Variants in DHX57 observed in about 807,000 individuals in gnomAD.
The protein encoded by DHX57 is DExH-box helicase 57.
Under a neutral mutation model 156.2 loss-of-function variants are expected in DHX57, and 105 were observed. The observed-to-expected ratio is 0.67, with a 90% CI of 0.57 to 0.79. The LOEUF (loss-of-function observed/expected upper bound fraction) is 0.79, where lower values mean the gene tolerates loss of function less well. Among genes scored for constraint, DHX57 ranks in the 30% least tolerant of loss-of-function variants. The pLI is 0.00. For missense variants in DHX57, 1,847 were observed against 1,661.9 expected (o/e 1.11, Z -1.94); for synonymous variants, 704 against 595.6 (o/e 1.18, Z -2.65).
chr2:38,828,466 G>A, intron 13 of DHX57, 30 bp from the exon 14 acceptor site: 2 of 1,506,098 alleles, frequency 1.3e-6, no homozygotes, highest in South Asian at 1.2e-5. Context: ...CAATATGTGG[G>A]TAAGCATAGG....
intron 16 of DHX57, 25 bp downstream of exon 16, chr2:38,825,822 C>T (rs781658943): frequency 6.2e-7 from 1 of 1,612,576 alleles, no homozygotes; most frequent in South Asian, 1.1e-5. Flanking sequence ...CTTTTGGAAG[C>T]AAAACACAAA....
Position 38,828,454 on chromosome 2 carries a change from A to C in DHX57, c.2543-18T>G. The C allele has an allele frequency of 4.4e-6, 7 of 1,574,772 alleles. No homozygotes were observed. Among genetic ancestry groups the C allele is most frequent in the Non-Finnish European group, 6.1e-6 (7 of 1,153,634 alleles). On this transcript the variant is annotated intron_variant, in intron 13 of 23. Transcript: ENST00000457308. Reference sequence around the variant, plus strand: ...TATAGCACCTGGGTATATAAAAAGAATCAATATGTGGGTAAGCATAGGCAC... The same window carrying C: ...TATAGCACCTGGGTATATAAAAAGACTCAATATGTGGGTAAGCATAGGCAC...
At chr2:38,874,696 A>G (rs1324111135) in intron 1 of DHX57, among the ~76,000 whole-genome samples, 2 of 152,174 alleles carry the variant, frequency 1.3e-5, no homozygotes, top group African/African-American at 2.4e-5. Context: ...GGCGTGAGCC[A>G]CCGCGCCCGA....
intron 9 of DHX57, chr2:38,853,851 T>C (rs1672740681): frequency 2.5e-6 from 1 of 403,776 alleles, no homozygotes. Flanking sequence ...CTCCATCTAA[T>C]AAGTGATGAG....
chr2:38,826,202 G>C (rs1159478879), intron 15 of DHX57, among the ~76,000 whole-genome samples, 155 bp from the exon 16 acceptor site: 2 of 152,232 alleles, frequency 1.3e-5, no homozygotes, highest in Admixed American at 6.5e-5. Context: ...GGAGCAGCTA[G>C]TGCTGATTTA....
At chr2:38,805,357 T>C (rs1247335215) in intron 22 of DHX57, among the ~76,000 whole-genome samples, 2 of 152,078 alleles carry the variant, frequency 1.3e-5, no homozygotes, top group African/African-American at 4.8e-5. Context: ...GGAAGGGCCA[T>C]GTAAGGAGTC....
rs760389113 is a variant in DHX57, at chr2:38,855,207, A to T, written c.1755T>A (p.Ser585=). 3.7e-6 allele frequency: 6 copies of T among 1,614,110 alleles called. No homozygotes were observed. The highest frequency in any genetic ancestry group is 5.1e-6 in the Non-Finnish European group (6 of 1,180,040). The stretch of plus-strand genomic sequence containing the variant: ...CTACCTTCTCAGGTGGTCCATTCAG[A>T]GAATCATCCAGAATAAACTGCGGAA... ...TQIPQFILDD[S]LNGPPEKVAN... is the part of the protein sequence containing the mutation. The change falls in exon 8 of 24, where the codon TCT becomes TCA. Residue 585 remains serine (S), a synonymous_variant. Coordinates refer to ENST00000457308, the MANE Select transcript of DHX57 (RefSeq NM_198963.3).
In DHX57 at chr2:38,802,717, G is replaced by C. The variant is rs772315993; in HGVS notation, c.4015C>G (p.Gln1339Glu). The C allele has an allele frequency of 3.0e-5, 48 of 1,613,842 alleles. No individual in the cohort carries two copies. Among genetic ancestry groups the C allele is most frequent in the African/African-American group, 5.3e-5 (4 of 74,888 alleles). The stretch of plus-strand genomic sequence containing the variant: ...AAACAGACCAATTCTGCCTTTACCT[G>C]ATGGGAAGCAGCTACAAAACGGATC... Reference protein sequence around the residue: ...GWIRFVAASHQVAELVKELRC... With the variant: ...GWIRFVAASHEVAELVKELRC... The change falls in exon 23 of 24, where the codon CAG becomes GAG. Residue 1339 changes from glutamine (Q) to glutamate (E), a missense_variant and splice_region_variant. Physicochemically the swap from Gln to Glu is conservative, Grantham distance 29. Transcript: ENST00000457308.
intron 13 of DHX57, among the ~76,000 whole-genome samples, chr2:38,835,599 T>C (rs1414248956): frequency 6.6e-6 from 1 of 152,142 alleles, no homozygotes; most frequent in African/African-American, 2.4e-5. Context: ...TTAGCCTCTA[T>C]ATGCGGAGTT....
intron 23 of DHX57, among the ~76,000 whole-genome samples, chr2:38,799,457 A>AG (rs34437659): frequency 6.8e-6 from 1 of 147,506 alleles, no homozygotes; most frequent in African/African-American, 2.5e-5. Context: ...AAAAAAAAAA[A>AG]GGGTGGTAGA....
At chr2:38,865,880 C>G (rs1665042632) in intron 2 of DHX57, among the ~76,000 whole-genome samples, 1 of 152,180 alleles carries the variant, frequency 6.6e-6, no homozygotes, top group South Asian at 2.1e-4. Context: ...CCTAACTGGT[C>G]TCCTTGCTTT....
rs1338066085 is a variant in DHX57, at chr2:38,826,688, A to G, written c.2641T>C (p.Cys881Arg). The change falls in exon 15 of 24, where the codon TGT becomes CGT. Residue 881 changes from cysteine (C) to arginine (R), a missense_variant and splice_region_variant. Cys to Arg is a radical substitution (Grantham distance 180). Transcript: ENST00000457308. ...GATGAATGAAGTGGGTGAATAACAC[A>G]TCTGGAAGGAAATAAAAGCACATGA... Reference protein sequence around the residue: ...SLFNNRRSNRCVIHPLHSSLS... With the variant: ...SLFNNRRSNRRVIHPLHSSLS... 27 of 1,613,460 alleles carry G rather than the reference A, an allele frequency of 1.7e-5. No individual in the cohort carries two copies. The highest frequency in any genetic ancestry group is 2.1e-5 in the Non-Finnish European group (25 of 1,179,652).
chr2:38,827,450 C>A (rs1159067060), intron 14 of DHX57, among the ~76,000 whole-genome samples: 2 of 131,808 alleles, frequency 1.5e-5, no homozygotes, highest in Admixed American at 1.8e-4. Context: ...CACGCCACTG[C>A]ACTCCAGCCT....
At chr2:38,863,336 AATT>A (rs1390462136) in intron 3 of DHX57, 22 bp downstream of exon 3, 1 of 1,597,766 alleles carries the variant, frequency 6.3e-7, no homozygotes, top group Non-Finnish European at 8.5e-7. Context: ...TTAATATAAT[AATT>A]GACTCAAATA....
chr2:38,859,441 A>G, intron 5 of DHX57, among the ~76,000 whole-genome samples: 1 of 152,312 alleles, frequency 6.6e-6, no homozygotes, highest in South Asian at 2.1e-4. Context: ...GTTGATGATA[A>G]CGTCCAGGGA....
rs75464176 is a variant in DHX57, at chr2:38,866,402, T to C, written c.224+1780A>G. ...CTGCCTTGAATGCTGTACTCAGAACTTCACAGCTTATTCCTTTACTTACTT... is the reference window on the plus strand; with the variant it reads ...CTGCCTTGAATGCTGTACTCAGAACCTCACAGCTTATTCCTTTACTTACTT... On this transcript the variant is annotated intron_variant, in intron 2 of 23. Coordinates refer to ENST00000457308, the MANE Select transcript of DHX57 (RefSeq NM_198963.3). Among the ~76,000 whole-genome samples the C allele has an allele frequency of 3.0e-3, 454 of 152,362 alleles. 4 individuals carry two copies. Among genetic ancestry groups the C allele is most frequent in the Middle Eastern group, 0.01 (3 of 294 alleles).
rs1219010521 is a variant in DHX57, at chr2:38,798,425, C to T, written c.4035G>A (p.Lys1345=). ...GCTGATCAAGTTCGCAACGAAGCTC[C>T]TTTACCAGTTCAGCCACCTAAAATG... ...AASHQVAELV[K]ELRCELDQLL... is the part of the protein sequence containing the mutation. Residue 1345 remains lysine (K), a synonymous_variant, in exon 24 of 24, where the codon AAG becomes AAA. Coordinates refer to ENST00000457308, the MANE Select transcript of DHX57 (RefSeq NM_198963.3). The T allele has an allele frequency of 6.2e-7, 1 of 1,612,346 alleles. No homozygotes were observed. Among genetic ancestry groups the T allele is most frequent in the Non-Finnish European group, 8.5e-7 (1 of 1,179,422 alleles).
rs1164150812 is a variant in DHX57 at position 38,806,602 on chromosome 2, T to A, written c.3773A>T (p.Asn1258Ile). Residue 1258 changes from asparagine to isoleucine, a missense_variant, in exon 22 of 24, where the codon AAC becomes ATC. Asn to Ile is a moderately radical substitution (Grantham distance 149). Coordinates refer to ENST00000457308, the MANE Select transcript of DHX57 (RefSeq NM_198963.3). ...KSAELKFVTKNDGYVHIHPSS... is the reference protein window; with the variant it reads ...KSAELKFVTKIDGYVHIHPSS... ...AGGGTGAATGTGTACATATCCATCG[T>A]TCTTGGTGACAAACTTCAACTCAGC... 6.2e-7 allele frequency: 1 copy of A among 1,614,162 alleles called. No homozygotes were observed. Among genetic ancestry groups the A allele is most frequent in the South Asian group, 1.1e-5 (1 of 91,084 alleles).
At chr2:38,858,534 C>G (rs1673018346) in intron 6 of DHX57, 127 bp downstream of exon 6, 3 of 1,305,702 alleles carry the variant, frequency 2.3e-6, no homozygotes, top group Non-Finnish European at 3.1e-6. Context: ...CCTGTAGAAA[C>G]TTTGACCACT....
Sources: gnomAD v4.1 joint callset for allele counts (sites outside exome capture counted in the v4.1 genomes callset) on GRCh38, gnomAD v4.1.1 for gene constraint, MANE v1.5 for transcripts, NCBI Gene and HGNC (gene_info 2026-07-23, HGNC 2026-07-21) for gene names.